Variants in ADAM9 observed in about 807,000 individuals in gnomAD.
ADAM9 encodes disintegrin and metalloproteinase domain-containing protein 9.
In ADAM9, 54 loss-of-function variants were observed where a neutral mutation model predicts 108.1. That is an observed-to-expected ratio of 0.50 (90% CI 0.40 to 0.63). The LOEUF is 0.63. Among genes scored for constraint, ADAM9 ranks in the 20% least tolerant of loss-of-function variants. ADAM9 has a pLI of 0.00. For synonymous variants in ADAM9, 316 were observed against 336.0 expected (o/e 0.94, Z 0.65); for missense variants, 830 against 997.7 (o/e 0.83, Z 2.26).
chr8:39,076,691 G>T (rs1162472984), intron 15 of ADAM9, among the ~76,000 whole-genome samples: 1 of 152,162 alleles, frequency 6.6e-6, no homozygotes, highest in Non-Finnish European at 1.5e-5. Flanking sequence ...TATGGTCAGG[G>T]AAGCCTTCAT....
chr8:39,038,621 G>T (rs1837358954), intron 11 of ADAM9, among the ~76,000 whole-genome samples: 1 of 152,136 alleles, frequency 6.6e-6, no homozygotes, highest in Non-Finnish European at 1.5e-5. Context: ...CATGGGCAGG[G>T]ATTTTTGTCT....
rs377447230 is a variant in ADAM9, at chr8:39,023,333, T to G, written c.914+8T>G. On this transcript the variant is annotated splice_region_variant and intron_variant, in intron 9 of 21. Transcript: ENST00000487273. ...CAGTGCACAGCTAGTTCTGTAAGTA[T>G]TTTTTTTTTAAGTACTATTAATGAA... The G allele has an allele frequency of 1.6e-6, 2 of 1,266,072 alleles. No individual in the cohort carries two copies. The highest frequency in any genetic ancestry group is 3.0e-5 in the East Asian group (1 of 33,522). 78.4% of individuals were successfully genotyped at this position (1,266,072 alleles called of 1,614,324 possible).
At chr8:39,007,830 G>T (rs1219734655) in intron 1 of ADAM9, 56 bp from the exon 2 acceptor site, 5 of 1,183,730 alleles carry the variant, frequency 4.2e-6, no homozygotes, top group Non-Finnish European at 6.3e-6. Context: ...ATTATATTGT[G>T]TTCCCACGTA....
intron 11 of ADAM9, among the ~76,000 whole-genome samples, chr8:39,035,959 T>C (rs1180269890): frequency 6.6e-6 from 1 of 152,182 alleles, no homozygotes; most frequent in African/African-American, 2.4e-5. Context: ...TTTCTTTTTT[T>C]GAGGGCATAT....
rs181557156 is a variant in ADAM9 at position 39,104,366 on chromosome 8, A to G, written c.*666A>G. 22 of 451,184 alleles carry G rather than the reference A, an allele frequency of 4.9e-5. No homozygotes were observed. The highest frequency in any genetic ancestry group is 6.9e-4 in the Middle Eastern group (1 of 1,440). The allele number at this position is 451,184 out of a possible 1,614,324, so 27.9% of individuals were successfully genotyped here. On this transcript the variant is annotated 3_prime_UTR_variant, in exon 22 of 22. Transcript: ENST00000487273. Reference sequence around the variant, plus strand: ...CTTCCATTTTTATGACCTTTCAACTATAGGTAATAACTCTTAGAGAAATTA... The same window carrying G: ...CTTCCATTTTTATGACCTTTCAACTGTAGGTAATAACTCTTAGAGAAATTA...
chr8:39,050,830 G>GTT lies in ADAM9; in HGVS notation c.1303-3627_1303-3626dup, dbSNP rs58115667. The stretch of plus-strand genomic sequence containing the variant: ...TCTTTCCAGGGAAAAGCTTGGAAGT[G>GTT]TTTTTTTTTTTTTTTTTTTTTTTTT... On this transcript the variant is annotated intron_variant, in intron 12 of 21. Coordinates refer to ENST00000487273, the MANE Select transcript of ADAM9 (RefSeq NM_003816.3). Among the ~76,000 whole-genome samples, 62 of 85,202 alleles carry GTT rather than the reference G, an allele frequency of 7.3e-4. 1 individual carries two copies. The highest frequency in any genetic ancestry group is 9.2e-4 in the South Asian group (2 of 2,168). 55.9% of individuals were successfully genotyped at this position (85,202 alleles called of 152,430 possible). A position where few individuals can be genotyped will look rare whatever the true frequency, so the allele number is the denominator to read the frequency against.
At chr8:39,099,139 A>G (rs1379781010) in intron 20 of ADAM9, among the ~76,000 whole-genome samples, 3 of 152,088 alleles carry the variant, frequency 2.0e-5, no homozygotes, top group East Asian at 1.9e-4. Flanking sequence ...TAGTTAACCC[A>G]TGGGGATACC....
intron 2 of ADAM9, among the ~76,000 whole-genome samples, chr8:39,010,286 G>A (rs138014793): frequency 2.0e-4 from 31 of 152,316 alleles, no homozygotes; most frequent in Middle Eastern, 6.8e-3. Context: ...AGCAGAATGA[G>A]TAGAAAGGCA....
At chr8:39,086,107 G>A (rs1002843261) in intron 18 of ADAM9, among the ~76,000 whole-genome samples, 3 of 151,824 alleles carry the variant, frequency 2.0e-5, no homozygotes, top group Non-Finnish European at 2.9e-5. Flanking sequence ...CTCTGCCTCC[G>A]GGGTTCAAGC....
At chr8:39,048,567 C>T (rs138608668) in intron 12 of ADAM9, among the ~76,000 whole-genome samples, 4 of 152,112 alleles carry the variant, frequency 2.6e-5, no homozygotes, top group Non-Finnish European at 5.9e-5. Flanking sequence ...GTAGAATGTT[C>T]TGTATATGTC....
chr8:39,098,845 T>G (rs1335367414), intron 20 of ADAM9, among the ~76,000 whole-genome samples: 1 of 152,178 alleles, frequency 6.6e-6, no homozygotes, highest in East Asian at 1.9e-4. Context: ...ATATTGGAAA[T>G]AAATATATTT....
At chr8:39,076,738 A>G (rs569369314) in intron 15 of ADAM9, among the ~76,000 whole-genome samples, 72 of 152,360 alleles carry the variant, frequency 4.7e-4, no homozygotes, top group African/African-American at 1.7e-3. Context: ...TAACGAGTTA[A>G]TGAATTGATT....
At chr8:39,060,842 A>G (rs1360313220) in intron 14 of ADAM9, among the ~76,000 whole-genome samples, 1 of 152,226 alleles carries the variant, frequency 6.6e-6, no homozygotes, top group Non-Finnish European at 1.5e-5. Context: ...GTGAAGGTGT[A>G]TTGCTGGCCT....
At chr8:39,041,633 A>G (rs1277977442) in intron 11 of ADAM9, among the ~76,000 whole-genome samples, 1 of 152,230 alleles carries the variant, frequency 6.6e-6, no homozygotes, top group Non-Finnish European at 1.5e-5. Context: ...CTTTATTCTC[A>G]TAGGACTAAA....
rs745528352 is a variant in ADAM9, at chr8:39,014,016, T to C, written c.306T>C (p.Thr102=). 1 of 1,613,516 alleles carries C rather than the reference T, an allele frequency of 6.2e-7. No homozygotes were observed. The highest frequency in any genetic ancestry group is 1.3e-5 in the African/African-American group (1 of 74,898). The change falls in exon 4 of 22, where the codon ACT becomes ACC. Residue 102 remains threonine, a synonymous_variant. Coordinates refer to ENST00000487273, the MANE Select transcript of ADAM9 (RefSeq NM_003816.3). ...TTTATACTTACAACAAGGAAGGGAC[T>C]TTAATCACTGACCATCCCAATATAC... ...FVVYTYNKEG[T]LITDHPNIQN... is the part of the protein sequence containing the mutation.
chr8:39,011,046 T>C (rs1026755031), intron 2 of ADAM9, among the ~76,000 whole-genome samples: 7 of 151,062 alleles, frequency 4.6e-5, no homozygotes, highest in Non-Finnish European at 1.0e-4. Context: ...TGAGCCGAGA[T>C]TGTGCCACTG....
intron 1 of ADAM9, among the ~76,000 whole-genome samples, chr8:39,005,530 C>G (rs556211559): frequency 6.6e-6 from 1 of 152,184 alleles, no homozygotes; most frequent in East Asian, 1.9e-4. Context: ...CTAACTGATT[C>G]CAATATATGC....
intron 12 of ADAM9, among the ~76,000 whole-genome samples, chr8:39,047,133 T>C (rs1285821249): frequency 6.6e-6 from 1 of 152,242 alleles, no homozygotes; most frequent in Admixed American, 6.5e-5. Flanking sequence ...TCCCAATTTA[T>C]ACCCAAGGAT....
At chr8:39,091,464 A>G (rs1839352434) in intron 20 of ADAM9, 118 bp downstream of exon 20, 2 of 958,646 alleles carry the variant, frequency 2.1e-6, no homozygotes, top group Non-Finnish European at 3.2e-6. Flanking sequence ...TAAGAATTCA[A>G]GAGTATTGTA....
Sources: allele counts gnomAD v4.1 joint callset (sites outside exome capture counted in the v4.1 genomes callset), GRCh38; gene constraint gnomAD v4.1.1; transcripts MANE v1.5; gene names NCBI Gene and HGNC (gene_info 2026-07-23, HGNC 2026-07-21).